The following NCKAP5 variants were observed in gnomAD, a reference collection of about 807,000 sequenced individuals.
NCKAP5 encodes NCK associated protein 5, also known as nck-associated protein 5.
Under a neutral mutation model 167.0 loss-of-function variants are expected in NCKAP5, and 92 were observed. The ratio of observed to expected loss-of-function variants is 0.55; its 90% confidence interval spans 0.47 to 0.66. The LOEUF is 0.66. Among genes scored for constraint, NCKAP5 ranks in the 30% least tolerant of loss-of-function variants. The probability of loss-of-function intolerance (pLI) is 0.00; values close to 1 mark genes in which losing one functional copy is unlikely to be tolerated. For missense variants in NCKAP5, 2,378 were observed against 2,315.0 expected (o/e 1.03, Z -0.56); for synonymous variants, 891 against 877.4 (o/e 1.02, Z -0.27).
intron 4 of NCKAP5, among the ~76,000 whole-genome samples, chr2:133,267,069 G>A (rs2089276852): frequency 1.3e-5 from 2 of 152,074 alleles, no homozygotes; most frequent in Non-Finnish European, 2.9e-5. Flanking sequence ...TCTCCGCCTG[G>A]AGCTGGAGTT....
chr2:133,447,396 C>T (rs1188420338), intron 3 of NCKAP5, among the ~76,000 whole-genome samples: 1 of 151,974 alleles, frequency 6.6e-6, no homozygotes, highest in Non-Finnish European at 1.5e-5. Flanking sequence ...AGGCCTCTTT[C>T]TCCGTCTTTT....
At chr2:132,892,173 T>C (rs770199361) in intron 8 of NCKAP5, among the ~76,000 whole-genome samples, 4 of 152,182 alleles carry the variant, frequency 2.6e-5, no homozygotes, top group African/African-American at 4.8e-5. Flanking sequence ...CAGGCTCACA[T>C]ACAGATTAGC....
chr2:133,318,814 G>T (rs572047330), intron 3 of NCKAP5, among the ~76,000 whole-genome samples: 2 of 152,246 alleles, frequency 1.3e-5, no homozygotes, highest in East Asian at 3.9e-4. Flanking sequence ...ATGCTCCCCT[G>T]GGTTCTACCT....
rs372216123 is a variant in NCKAP5, at chr2:132,779,107, G to A, written c.5049+1945C>T. Among the ~76,000 whole-genome samples, 42 of 152,296 alleles carry A rather than the reference G, an allele frequency of 2.8e-4. No individual in the cohort carries two copies. In the East Asian group the frequency reaches 4.2e-3, roughly 15 times the overall value. On this transcript the variant is annotated intron_variant, in intron 15 of 19. Transcript: ENST00000409261. Reference sequence around the variant, plus strand: ...ATATGGATTATGTATATGTGGGGTCGTTAGGGAATCTTTGTACTTCACAGA... The same window carrying A: ...ATATGGATTATGTATATGTGGGGTCATTAGGGAATCTTTGTACTTCACAGA...
At chr2:132,675,841 T>TAAAAAAAA (rs554167462) in intron 19 of NCKAP5, among the ~76,000 whole-genome samples, 78 of 140,714 alleles carry the variant, frequency 5.5e-4, no homozygotes, top group African/African-American at 2.0e-3. Flanking sequence ...GACCATTATT[T>TAAAAAAAA]AAAAAAAAAA....
At chr2:133,106,677 G>C (rs2081715103) in intron 6 of NCKAP5, among the ~76,000 whole-genome samples, 1 of 152,218 alleles carries the variant, frequency 6.6e-6, no homozygotes, top group African/African-American at 2.4e-5. Context: ...GAACTTGTGT[G>C]ACTGTAAAAA....
chr2:132,688,416 A>T (rs1686247858), intron 19 of NCKAP5, among the ~76,000 whole-genome samples: 1 of 152,350 alleles, frequency 6.6e-6, no homozygotes, highest in East Asian at 1.9e-4. Flanking sequence ...ACACAAAAAA[A>T]TCAAAAGATT....
chr2:133,659,797 C>G, the NCKAP5 span, among the ~76,000 whole-genome samples: 1 of 152,002 alleles, frequency 6.6e-6, no homozygotes, highest in Non-Finnish European at 1.5e-5. Flanking sequence ...CCTCAATAAA[C>G]TTAATAAAAA....
At chr2:133,173,003 G>A (rs1000329629) in intron 5 of NCKAP5, among the ~76,000 whole-genome samples, 1 of 151,992 alleles carries the variant, frequency 6.6e-6, no homozygotes. Context: ...TTTATGGAAG[G>A]GTTTCAGTGC....
chr2:133,291,082 CATA>C (rs1679563500), intron 4 of NCKAP5, among the ~76,000 whole-genome samples: 1 of 152,134 alleles, frequency 6.6e-6, no homozygotes, highest in African/African-American at 2.4e-5. Flanking sequence ...TTGGAGTATC[CATA>C]ATGTGCTAAG....
chr2:133,352,125 GGAGACCCT>G (rs764158572), intron 3 of NCKAP5, among the ~76,000 whole-genome samples: 1 of 152,048 alleles, frequency 6.6e-6, no homozygotes, highest in Non-Finnish European at 1.5e-5. Context: ...TTCCCTCAAT[GGAGACCCT>G]GTCACCATCA....
chr2:132,869,070 C>T lies in NCKAP5; in HGVS notation c.649-96G>A. The stretch of plus-strand genomic sequence containing the variant: ...ATAAGTTTCTCGCAGCTTATTGTAG[C>T]TAATTAGCTCCTCATTTGCCTCTTT... On this transcript the variant is annotated intron_variant, in intron 9 of 19. Transcript: ENST00000409261. 1.1e-5 allele frequency: 9 copies of T among 783,630 alleles called. No homozygotes were observed. The South Asian group carries it at 1.8e-4, about 15-fold the overall frequency. 48.5% of individuals were successfully genotyped at this position (783,630 alleles called of 1,614,324 possible).
the NCKAP5 span, among the ~76,000 whole-genome samples, chr2:133,619,164 G>T: frequency 9.1e-5 from 10 of 109,784 alleles, no homozygotes; most frequent in Non-Finnish European, 1.6e-4. Context: ...GTGGGGTGGG[G>T]GGAGGGGGGA....
At chr2:133,131,271 G>A (rs2082593570) in intron 5 of NCKAP5, among the ~76,000 whole-genome samples, 1 of 152,110 alleles carries the variant, frequency 6.6e-6, no homozygotes. Flanking sequence ...AGCGTGAAAA[G>A]CTGCCTAGGT....
chr2:132,716,577 AG>A (rs1045460243), intron 19 of NCKAP5, among the ~76,000 whole-genome samples: 1 of 151,452 alleles, frequency 6.6e-6, no homozygotes, highest in Admixed American at 6.6e-5. Context: ...TTTGAACTTG[AG>A]GGGGGTAACA....
At chr2:133,454,279 T>C (rs1559496266) in intron 3 of NCKAP5, among the ~76,000 whole-genome samples, 1 of 152,058 alleles carries the variant, frequency 6.6e-6, no homozygotes, top group Non-Finnish European at 1.5e-5. Context: ...GGTGACTTAC[T>C]TTGAAGTAAG....
Position 132,728,803 on chromosome 2 carries a change from C to G in NCKAP5, c.5580+13G>C. On this transcript the variant is annotated intron_variant, in intron 18 of 19. Transcript: ENST00000409261. ...CAGGTGGATTGCACCCTTCACCTCC[C>G]CCGACCCCTCACCTGGGTCCCGGTG... 2 of 1,613,460 alleles carry G rather than the reference C, an allele frequency of 1.2e-6. No homozygotes were observed. The highest frequency in any genetic ancestry group is 1.1e-5 in the South Asian group (1 of 91,036).
At chr2:133,547,216 C>A (rs191341955) in intron 2 of NCKAP5, among the ~76,000 whole-genome samples, 1 of 152,172 alleles carries the variant, frequency 6.6e-6, no homozygotes, top group Admixed American at 6.5e-5. Context: ...ACACCTGGCT[C>A]GGAGGGTCCT....
At chr2:133,303,565 A>G (rs1213992920) in intron 3 of NCKAP5, among the ~76,000 whole-genome samples, 1 of 152,160 alleles carries the variant, frequency 6.6e-6, no homozygotes, top group Non-Finnish European at 1.5e-5. Context: ...ACCCATATTC[A>G]TTGGGCACTT....
Sources: gnomAD v4.1 joint callset for allele counts (sites outside exome capture counted in the v4.1 genomes callset) on GRCh38, gnomAD v4.1.1 for gene constraint, MANE v1.5 for transcripts, NCBI Gene and HGNC (gene_info 2026-07-23, HGNC 2026-07-21) for gene names.